FNDC3B: variants seen among roughly 807,000 people sequenced by gnomAD.
FNDC3B encodes fibronectin type III domain containing 3B.
In FNDC3B, 12 loss-of-function variants were observed where a neutral mutation model predicts 151.5. The observed-to-expected ratio is 0.08, with a 90% confidence interval of 0.05 to 0.13. The LOEUF (loss-of-function observed/expected upper bound fraction) is 0.13. FNDC3B is among the 10% of genes least tolerant of loss of function. The pLI is 1.00. For synonymous variants in FNDC3B, 528 were observed against 549.0 expected (o/e 0.96, Z 0.54); for missense variants, 1,214 against 1,505.3 (o/e 0.81, Z 3.20).
intron 1 of FNDC3B, among the ~76,000 whole-genome samples, chr3:172,054,307 A>G (rs1716808968): frequency 6.6e-6 from 1 of 152,208 alleles, no homozygotes; most frequent in African/African-American, 2.4e-5. Context: ...TGACCTCAGG[A>G]TTCAGAGGAA....
At chr3:172,059,868 GTATTACTTAT>G (rs1717106285) in intron 1 of FNDC3B, among the ~76,000 whole-genome samples, 1 of 152,172 alleles carries the variant, frequency 6.6e-6, no homozygotes, top group Non-Finnish European at 1.5e-5. Flanking sequence ...TAGAGGGCAT[GTATTACTTAT>G]TCCTAGGGCA....
chr3:172,240,909 G>A lies in FNDC3B; in HGVS notation c.265-6624G>A, dbSNP rs141864687. Among the ~76,000 whole-genome samples the A allele has an allele frequency of 7.6e-4, 116 of 152,166 alleles. 1 individual carries two copies. The East Asian group carries it at 0.013, about 18-fold the overall frequency. Reference sequence around the variant, plus strand: ...CTAGTATAAGACAAAGATTCTCTCCGTTGCACATTTTGTGCCTTATTCTCT... The same window carrying A: ...CTAGTATAAGACAAAGATTCTCTCCATTGCACATTTTGTGCCTTATTCTCT... On this transcript the variant is annotated intron_variant, in intron 4 of 25. Coordinates refer to ENST00000415807, the MANE Select transcript of FNDC3B (RefSeq NM_022763.4).
intron 13 of FNDC3B, among the ~76,000 whole-genome samples, chr3:172,331,249 A>G (rs1732641941): frequency 6.6e-6 from 1 of 152,044 alleles, no homozygotes; most frequent in Admixed American, 6.5e-5. Context: ...TCAGAGTAAA[A>G]TCCCTAGAGC....
intron 3 of FNDC3B, among the ~76,000 whole-genome samples, chr3:172,181,879 C>T (rs978996888): frequency 6.7e-5 from 10 of 149,438 alleles, no homozygotes; most frequent in African/African-American, 2.5e-4. Flanking sequence ...CAGACTGCTG[C>T]TCACTCACTG....
In FNDC3B at chr3:172,341,034, A is replaced by T. The variant is rs367703944; in HGVS notation, c.1853-79A>T. 4 of 907,050 alleles carry T rather than the reference A, an allele frequency of 4.4e-6. No individual in the cohort carries two copies. The East Asian group carries it at 7.3e-5, about 16-fold the overall frequency. 56.2% of individuals were successfully genotyped at this position (907,050 alleles called of 1,614,324 possible). A position where few individuals can be genotyped will look rare whatever the true frequency, so the allele number is the denominator to read the frequency against. On this transcript the variant is annotated intron_variant, in intron 16 of 25. Coordinates refer to ENST00000415807, the MANE Select transcript of FNDC3B (RefSeq NM_022763.4). ...GATGTTGGTTTTCATGAAAACATAG[A>T]GCTTTTTCTTGTCAGCAATGGCTGA...
chr3:172,389,408 C>T (rs980592769), intron 25 of FNDC3B, among the ~76,000 whole-genome samples: 1 of 152,016 alleles, frequency 6.6e-6, no homozygotes. Context: ...ATAGTCAGAG[C>T]CAAGGTAGAC....
intron 1 of FNDC3B, among the ~76,000 whole-genome samples, chr3:172,061,301 C>T (rs1346447807): frequency 6.6e-5 from 10 of 150,420 alleles, no homozygotes; most frequent in African/African-American, 2.0e-4. Flanking sequence ...GGCGTGATCT[C>T]GGTTCACTGC....
At position 172,342,071 on chromosome 3, in the gene FNDC3B, T is replaced by C. The variant is rs550541019; in HGVS notation, c.1971+840T>C. 7.2e-5 allele frequency among the ~76,000 whole-genome samples: 11 copies of C among 152,342 alleles called. No homozygotes were observed. In the East Asian group the frequency reaches 1.9e-3, roughly 27 times the overall value. ...GAGATGGTGGCTTACAGCCCTGTGC[T>C]GGGTTGACTTTTCAAGAGAATACCT... On this transcript the variant is annotated intron_variant, in intron 17 of 25. Transcript: ENST00000415807.
At chr3:172,052,246 G>GT (rs10665367) in intron 1 of FNDC3B, among the ~76,000 whole-genome samples, 25,356 of 147,368 alleles carry the variant, frequency 0.17, 3,373 homozygotes, top group African/African-American at 0.37. Flanking sequence ...ATTTTTGTGG[G>GT]TTTTTTTTTT....
chr3:172,101,134 T>A (rs927814618), intron 1 of FNDC3B, among the ~76,000 whole-genome samples: 2 of 152,130 alleles, frequency 1.3e-5, no homozygotes, highest in Non-Finnish European at 2.9e-5. Context: ...AATTTTAGTA[T>A]CCTCCTGGCT....
chr3:172,054,646 T>TC (rs903088523), intron 1 of FNDC3B, among the ~76,000 whole-genome samples: 3 of 152,208 alleles, frequency 2.0e-5, no homozygotes, highest in Non-Finnish European at 2.9e-5. Context: ...TGGTGAGGAC[T>TC]GTTAGAACCA....
chr3:172,211,901 G>T (rs1725750132), intron 3 of FNDC3B, among the ~76,000 whole-genome samples: 1 of 152,154 alleles, frequency 6.6e-6, no homozygotes, highest in Non-Finnish European at 1.5e-5. Context: ...CCAATTCTTT[G>T]ATCTTAGCTG....
Position 172,399,831 on chromosome 3 carries a change from G to T in FNDC3B, c.*2356G>T, listed in dbSNP as rs1397476535. On this transcript the variant is annotated 3_prime_UTR_variant, in exon 26 of 26. Coordinates refer to ENST00000415807, the MANE Select transcript of FNDC3B (RefSeq NM_022763.4). ...CTGCTATAAAGAAATTCTCTAATTG[G>T]TTGAATTTTTTTTTTAAGTAAATAG... 1 of 5,502 alleles carries T rather than the reference G, an allele frequency of 1.8e-4. No individual in the cohort carries two copies. The highest frequency in any genetic ancestry group is 7.7e-4 in the African/African-American group (1 of 1,302). 0.3% of individuals were successfully genotyped at this position (5,502 alleles called of 1,614,324 possible).
chr3:172,138,071 T>C (rs1278929191), intron 3 of FNDC3B, among the ~76,000 whole-genome samples: 1 of 152,200 alleles, frequency 6.6e-6, no homozygotes, highest in Non-Finnish European at 1.5e-5. Context: ...GCCATCTCTT[T>C]ATCTGCTCCC....
chr3:172,088,288 T>G (rs1718650628), intron 1 of FNDC3B, among the ~76,000 whole-genome samples: 1 of 152,212 alleles, frequency 6.6e-6, no homozygotes. Flanking sequence ...GAAGGGAATT[T>G]GCAGGTAGTC....
intron 11 of FNDC3B, among the ~76,000 whole-genome samples, chr3:172,315,112 C>G (rs539789346): frequency 2.6e-5 from 4 of 152,198 alleles, no homozygotes; most frequent in African/African-American, 7.2e-5. Context: ...CGCGGTGGCT[C>G]ACGCCTGTAA....
chr3:172,151,088 C>A (rs1462011924), intron 3 of FNDC3B, among the ~76,000 whole-genome samples: 1 of 152,164 alleles, frequency 6.6e-6, no homozygotes, highest in Non-Finnish European at 1.5e-5. Context: ...GGAGGACTTA[C>A]ATACAAGTCA....
Position 172,358,297 on chromosome 3 carries a change from T to C in FNDC3B, c.2796-4336T>C, listed in dbSNP as rs73037026. Among the ~76,000 whole-genome samples the C allele has an allele frequency of 3.1e-3, 478 of 152,374 alleles. 1 individual carries two copies. Among genetic ancestry groups the C allele is most frequent in the African/African-American group, 0.011 (446 of 41,586 alleles). On this transcript the variant is annotated intron_variant, in intron 22 of 25. Transcript: ENST00000415807. ...ACTCTGTCATTTAGATCAAGTTATTTAACCTCTCTGCATTTAACTTTGATT... is the reference window on the plus strand; with the variant it reads ...ACTCTGTCATTTAGATCAAGTTATTCAACCTCTCTGCATTTAACTTTGATT...
intron 1 of FNDC3B, among the ~76,000 whole-genome samples, chr3:172,068,024 C>A (rs1194898919): frequency 3.3e-5 from 5 of 152,216 alleles, no homozygotes; most frequent in Admixed American, 3.3e-4. Context: ...CCACCTCAGT[C>A]ACAGGGCGAC....
Sources: allele counts gnomAD v4.1 joint callset (sites outside exome capture counted in the v4.1 genomes callset), GRCh38; gene constraint gnomAD v4.1.1; transcripts MANE v1.5; gene names NCBI Gene and HGNC (gene_info 2026-07-23, HGNC 2026-07-21).